The following DACH1 variants were observed in gnomAD, a reference collection of about 807,000 sequenced individuals.
DACH1 encodes dachshund family transcription factor 1, also known as dachshund homolog 1.
A neutral mutation model predicts 54.2 loss-of-function variants in DACH1; 12 were observed. The observed-to-expected ratio is 0.22, with a 90% CI of 0.14 to 0.36. The LOEUF is 0.36. DACH1 is among the 10% of genes least tolerant of loss of function. DACH1 has a pLI of 1.00. For missense variants in DACH1, 805 were observed against 929.8 expected, an observed-to-expected ratio of 0.87 and a Z score of 1.75; for synonymous variants, 386 against 366.2, an observed-to-expected ratio of 1.05 and a Z score of -0.62.
In DACH1 at chr13:71,438,256, T is replaced by C. The variant is rs1235928688; in HGVS notation, c.*2399A>G. 3.3e-5 allele frequency: 5 copies of C among 152,462 alleles called. No individual in the cohort carries two copies. Among genetic ancestry groups the C allele is most frequent in the African/African-American group, 9.6e-5 (4 of 41,542 alleles). The allele number at this position is 152,462 out of a possible 1,614,324, so 9.4% of individuals were successfully genotyped here. A position where few individuals can be genotyped will look rare whatever the true frequency, so the allele number is the denominator to read the frequency against. ...GTATGTTCTGTTCCAAGGGCTTGCA[T>C]AGAGCGCAAATGTGGTTATAATATA... On this transcript the variant is annotated 3_prime_UTR_variant, in exon 11 of 11. Transcript: ENST00000613252.
At chr13:71,637,704 C>T (rs1877585653) in intron 2 of DACH1, among the ~76,000 whole-genome samples, 1 of 152,120 alleles carries the variant, frequency 6.6e-6, no homozygotes, top group Non-Finnish European at 1.5e-5. Flanking sequence ...CTGCTTTCAA[C>T]CTTTATTAAA....
intron 1 of DACH1, among the ~76,000 whole-genome samples, chr13:71,826,993 A>G (rs941009913): frequency 2.6e-5 from 4 of 152,138 alleles, no homozygotes; most frequent in Non-Finnish European, 5.9e-5. Flanking sequence ...TTCCACTAGG[A>G]TGAGGATTAA....
chr13:71,831,826 A>AT (rs892732259), intron 1 of DACH1, among the ~76,000 whole-genome samples: 5 of 151,590 alleles, frequency 3.3e-5, no homozygotes, highest in South Asian at 4.2e-4. Flanking sequence ...GTAATCAAGA[A>AT]TTTTTTTTGC....
At chr13:71,529,535 T>G (rs1439202614) in intron 6 of DACH1, among the ~76,000 whole-genome samples, 1 of 152,200 alleles carries the variant, frequency 6.6e-6, no homozygotes, top group Non-Finnish European at 1.5e-5. Flanking sequence ...ATGTGGCAAC[T>G]GCAATGTGGA....
intron 2 of DACH1, among the ~76,000 whole-genome samples, chr13:71,638,929 C>G (rs1877695422): frequency 6.6e-6 from 1 of 152,102 alleles, no homozygotes. Context: ...CATCAAAAAG[C>G]ATAGTTCAAT....
intron 1 of DACH1, among the ~76,000 whole-genome samples, chr13:71,690,077 A>T (rs1881395852): frequency 6.6e-6 from 1 of 152,180 alleles, no homozygotes; most frequent in African/African-American, 2.4e-5. Context: ...CTCAACTGGA[A>T]TTCTTTACAT....
intron 6 of DACH1, among the ~76,000 whole-genome samples, chr13:71,519,629 T>A (rs955791512): frequency 2.0e-5 from 3 of 151,436 alleles, no homozygotes; most frequent in African/African-American, 7.3e-5. Flanking sequence ...CCAGAGCTCA[T>A]GTTTTCAACC....
chr13:71,756,832 T>G (rs1031939769), intron 1 of DACH1, among the ~76,000 whole-genome samples: 2 of 152,150 alleles, frequency 1.3e-5, no homozygotes, highest in Non-Finnish European at 2.9e-5. Context: ...AAAGTTTGCT[T>G]TAAATCAAGC....
At position 71,626,524 on chromosome 13, in the gene DACH1, A is replaced by T. The variant is rs60557187; in HGVS notation, c.1126+4032T>A. 9.8e-3 allele frequency among the ~76,000 whole-genome samples: 1,490 copies of T among 152,076 alleles called. 22 individuals carry two copies. Among genetic ancestry groups the T allele is most frequent in the African/African-American group, 0.034 (1,401 of 41,506 alleles). Reference sequence around the variant, plus strand: ...TAGATCAGTCCTTAAAGCAAAAAAAATAGCAACTTATCTGGCCTGTATGTT... The same window carrying T: ...TAGATCAGTCCTTAAAGCAAAAAAATTAGCAACTTATCTGGCCTGTATGTT... On this transcript the variant is annotated intron_variant, in intron 3 of 10. Transcript: ENST00000613252.
At chr13:71,456,129 T>G (rs1875544558) in intron 10 of DACH1, among the ~76,000 whole-genome samples, 1 of 152,146 alleles carries the variant, frequency 6.6e-6, no homozygotes, top group South Asian at 2.1e-4. Flanking sequence ...AATTTACATC[T>G]TTTGAAAGTT....
intron 7 of DACH1, among the ~76,000 whole-genome samples, chr13:71,482,967 A>AT (rs1200594378): frequency 3.3e-5 from 5 of 151,746 alleles, no homozygotes; most frequent in Non-Finnish European, 7.4e-5. Context: ...TACCCGGCTT[A>AT]TTTTTTTGTA....
intron 1 of DACH1, among the ~76,000 whole-genome samples, chr13:71,831,983 T>C (rs1371361388): frequency 1.3e-5 from 2 of 152,090 alleles, no homozygotes; most frequent in Middle Eastern, 3.4e-3. Context: ...AGACTTTTTT[T>C]TGAGGTCACT....
rs1215023103 is a variant in DACH1, at chr13:71,439,972, A to G, written c.*683T>C. On this transcript the variant is annotated 3_prime_UTR_variant, in exon 11 of 11. Coordinates refer to ENST00000613252, the MANE Select transcript of DACH1 (RefSeq NM_080759.6). ...TTTTTTTTATTTTTAAGAAAAAAAA[A>G]CCTTCAGTGAAAGCTTTTGGCTTAT... 6.6e-6 allele frequency: 1 copy of G among 151,986 alleles called. No individual in the cohort carries two copies. The highest frequency in any genetic ancestry group is 1.5e-5 in the Non-Finnish European group (1 of 67,848). 9.4% of individuals were successfully genotyped at this position (151,986 alleles called of 1,614,324 possible). A position where few individuals can be genotyped will look rare whatever the true frequency, so the allele number is the denominator to read the frequency against.
intron 2 of DACH1, among the ~76,000 whole-genome samples, chr13:71,636,436 A>G (rs1009768405): frequency 6.6e-6 from 1 of 151,996 alleles, no homozygotes. Context: ...CTGTGAGCAC[A>G]AGTTAAACTA....
chr13:71,666,842 T>C (rs1303445637), intron 2 of DACH1, among the ~76,000 whole-genome samples: 1 of 151,792 alleles, frequency 6.6e-6, no homozygotes, highest in Admixed American at 6.6e-5. Context: ...ATCGGCTGGG[T>C]GTGGTGGTGT....
At chr13:71,564,077 T>C (rs1669980360) in intron 4 of DACH1, among the ~76,000 whole-genome samples, 1 of 152,054 alleles carries the variant, frequency 6.6e-6, no homozygotes, top group African/African-American at 2.4e-5. Flanking sequence ...GCTTAATTCT[T>C]TTATCATATT....
chr13:71,670,449 T>C (rs1274711357), intron 2 of DACH1, among the ~76,000 whole-genome samples: 14 of 152,154 alleles, frequency 9.2e-5, no homozygotes, highest in African/African-American at 2.9e-4. Flanking sequence ...ATTGTAACAG[T>C]AGCAATGACA....
intron 2 of DACH1, among the ~76,000 whole-genome samples, chr13:71,657,812 T>C (rs192508675): frequency 1.2e-3 from 180 of 152,266 alleles, no homozygotes; most frequent in African/African-American, 3.9e-3. Flanking sequence ...GGTCTCACTA[T>C]GTTGCCCGGG....
chr13:71,810,914 C>T (rs893729287), intron 1 of DACH1, among the ~76,000 whole-genome samples: 2 of 152,074 alleles, frequency 1.3e-5, no homozygotes, highest in African/African-American at 4.8e-5. Flanking sequence ...TGCAATGGCT[C>T]TTGTACTCAT....
Sources: gnomAD v4.1 joint callset for allele counts (sites outside exome capture counted in the v4.1 genomes callset) on GRCh38, gnomAD v4.1.1 for gene constraint, MANE v1.5 for transcripts, NCBI Gene and HGNC (gene_info 2026-07-23, HGNC 2026-07-21) for gene names.